Variants in AOPEP observed in about 807,000 individuals in gnomAD.
The protein encoded by AOPEP is aminopeptidase O.
Under a neutral mutation model 98.1 loss-of-function variants are expected in AOPEP, and 77 were observed. That is an observed-to-expected ratio of 0.78 (90% CI 0.65 to 0.95). AOPEP has a LOEUF of 0.95. Ranked by LOEUF, AOPEP falls within the 40% of genes least tolerant of loss-of-function variation. AOPEP has a pLI of 0.00. For missense variants in AOPEP, 1,024 were observed against 1,024.7 expected, an observed-to-expected ratio of 1.00 and a Z score of 0.01; for synonymous variants, 346 against 365.3, an observed-to-expected ratio of 0.95 and a Z score of 0.60.
chr9:95,111,895 C>T, the AOPEP span, among the ~76,000 whole-genome samples: 3 of 152,228 alleles, frequency 2.0e-5, no homozygotes, highest in East Asian at 3.9e-4. Flanking sequence ...AATCCAGGTA[C>T]GTTCAGTGAG....
chr9:94,895,177 T>C (rs1265399278), intron 5 of AOPEP, among the ~76,000 whole-genome samples: 1 of 148,908 alleles, frequency 6.7e-6, no homozygotes, highest in Admixed American at 6.7e-5. Flanking sequence ...AGTTTGAGAG[T>C]AGCCTGGGCA....
At chr9:94,818,918 C>G (rs1017671750) in intron 5 of AOPEP, among the ~76,000 whole-genome samples, 7 of 152,292 alleles carry the variant, frequency 4.6e-5, no homozygotes, top group African/African-American at 1.7e-4. Flanking sequence ...GGCATGAACC[C>G]AGGAGGCCGG....
At chr9:95,077,887 G>A (rs1325915488) in intron 14 of AOPEP, among the ~76,000 whole-genome samples, 1 of 152,196 alleles carries the variant, frequency 6.6e-6, no homozygotes, top group South Asian at 2.1e-4. Flanking sequence ...TCAAAGGAAC[G>A]AAGAAAAGTG....
chr9:95,078,281 TCTA>T (rs935346533), intron 14 of AOPEP, among the ~76,000 whole-genome samples: 1 of 152,208 alleles, frequency 6.6e-6, no homozygotes, highest in African/African-American at 2.4e-5. Context: ...AGGGCCTTGT[TCTA>T]CTAGGAAATA....
At chr9:94,759,616 A>T in intron 1 of AOPEP, 33 bp from the exon 2 acceptor site, 1 of 606,190 alleles carries the variant, frequency 1.6e-6, no homozygotes, top group Non-Finnish European at 2.8e-6. Flanking sequence ...CTTATTTGGA[A>T]TTTTATCTAA....
At position 95,035,507 on chromosome 9, in the gene AOPEP, A is replaced by ATT. The variant is rs542840000; in HGVS notation, c.2116-25160_2116-25159dup. On this transcript the variant is annotated intron_variant, in intron 13 of 16. Coordinates refer to ENST00000375315, the MANE Select transcript of AOPEP (RefSeq NM_001193329.3). ...ATCTCTTTGACACCAGCTTCAGATAATTTTTTTTTTTTTTTTTTTTTTTTT... is the reference window on the plus strand; with the variant it reads ...ATCTCTTTGACACCAGCTTCAGATAATTTTTTTTTTTTTTTTTTTTTTTTTTT... 7.8e-3 allele frequency among the ~76,000 whole-genome samples: 531 copies of ATT among 67,966 alleles called. 86 individuals carry two copies. Among genetic ancestry groups the ATT allele is most frequent in the African/African-American group, 0.029 (499 of 16,982 alleles). 44.6% of individuals were successfully genotyped at this position (67,966 alleles called of 152,430 possible). A position where few individuals can be genotyped will look rare whatever the true frequency, so the allele number is the denominator to read the frequency against.
At position 94,986,285 on chromosome 9, in the gene AOPEP, G is replaced by A. The variant is rs145723051; in HGVS notation, c.1977+6858G>A. Among the ~76,000 whole-genome samples, 435 of 152,228 alleles carry A rather than the reference G, an allele frequency of 2.9e-3. 1 individual carries two copies. The Middle Eastern group carries it at 0.031, about 11-fold the overall frequency. ...AGGACACCAGTTATATTGGGTTAGG[G>A]CCCACCAATATGACCTAATTTTACC... On this transcript the variant is annotated intron_variant, in intron 11 of 16. Transcript: ENST00000375315.
chr9:94,762,043 T>C (rs962961223), intron 2 of AOPEP, among the ~76,000 whole-genome samples: 2 of 152,246 alleles, frequency 1.3e-5, no homozygotes, highest in Non-Finnish European at 2.9e-5. Flanking sequence ...ATTTATGGCC[T>C]CAAACATGAC....
At chr9:94,766,123 C>A (rs1480456638) in intron 2 of AOPEP, among the ~76,000 whole-genome samples, 2 of 152,180 alleles carry the variant, frequency 1.3e-5, no homozygotes, top group Non-Finnish European at 2.9e-5. Flanking sequence ...AATTCTAGAT[C>A]TTTGGTATAC....
In AOPEP at chr9:94,930,602, T is replaced by C. The variant is rs541377276; in HGVS notation, c.1661+2071T>C. On this transcript the variant is annotated intron_variant, in intron 7 of 16. Coordinates refer to ENST00000375315, the MANE Select transcript of AOPEP (RefSeq NM_001193329.3). The surrounding 1 kb of genome is among the most constrained non-coding windows in gnomAD (Gnocchi z 4.5). ...CCAACAGAGGACTCTGGGGAAACCA[T>C]TATGTGTTTCCCCAGAGAAAACCAG... 8.6e-5 allele frequency among the ~76,000 whole-genome samples: 13 copies of C among 151,668 alleles called. No individual in the cohort carries two copies. Among genetic ancestry groups the C allele is most frequent in the Admixed American group, 8.5e-4 (13 of 15,240 alleles).
At chr9:94,931,697 C>T (rs16911846) in intron 7 of AOPEP, 30 of 1,511,584 alleles carry the variant, frequency 2.0e-5, no homozygotes, top group Non-Finnish European at 2.6e-5. Context: ...GTAAAAATCT[C>T]GCTTTATGTC....
chr9:94,942,642 T>A (rs1183665726), intron 7 of AOPEP, among the ~76,000 whole-genome samples: 1 of 152,154 alleles, frequency 6.6e-6, no homozygotes, highest in Non-Finnish European at 1.5e-5. Flanking sequence ...TGTCTCCATT[T>A]GTAGACATAA....
intron 13 of AOPEP, among the ~76,000 whole-genome samples, chr9:95,022,582 G>T (rs1023127895): frequency 6.6e-6 from 1 of 151,748 alleles, no homozygotes; most frequent in Admixed American, 6.6e-5. Context: ...CTCATGATCC[G>T]CCCGCCTTGG....
Position 94,875,357 on chromosome 9 carries a change from A to AAAAAAAAAAAAG in AOPEP, c.1365-48618_1365-48617insGAAAAAAAAAAA, listed in dbSNP as rs1185999933. 4.7e-3 allele frequency among the ~76,000 whole-genome samples: 691 copies of AAAAAAAAAAAAG among 147,452 alleles called. 9 individuals are homozygous for AAAAAAAAAAAAG. Among genetic ancestry groups the AAAAAAAAAAAAG allele is most frequent in the African/African-American group, 0.017 (649 of 38,710 alleles). On this transcript the variant is annotated intron_variant, in intron 5 of 16. Transcript: ENST00000375315. ...AGTTTAATTGAGCAAGAAAAAAAAA[A>AAAAAAAAAAAAG]AAAAAAAAAAAAAAAGACTCATGAA... is the stretch of plus-strand genomic sequence containing the variant.
chr9:94,955,263 A>G lies in AOPEP; in HGVS notation c.1748A>G (p.Gln583Arg), dbSNP rs747775588. 3 of 1,611,718 alleles carry G rather than the reference A, an allele frequency of 1.9e-6. No homozygotes were observed. The highest frequency in any genetic ancestry group is 2.2e-5 in the South Asian group (2 of 90,772). Residue 583 changes from glutamine to arginine, a missense_variant, in exon 8 of 17, where the codon CAG becomes CGG. Physicochemically the swap from Gln to Arg is conservative, Grantham distance 43. Coordinates refer to ENST00000375315, the MANE Select transcript of AOPEP (RefSeq NM_001193329.3). ...HGLNPEKIFM[Q>R]VHYLKGYFLL... ...CTTAATCCGGAGAAGATCTTCATGC[A>G]GGTGCATTATTTAAAGGTAAGCACA...
At chr9:94,763,043 G>C (rs1393671388) in intron 2 of AOPEP, 1 of 385,454 alleles carries the variant, frequency 2.6e-6, no homozygotes, top group Non-Finnish European at 5.3e-6. Context: ...CTACATATTT[G>C]TTCCTGAATT....
chr9:95,118,456 T>C, the AOPEP span, among the ~76,000 whole-genome samples: 495 of 152,244 alleles, frequency 3.3e-3, no homozygotes, highest in African/African-American at 0.011. Flanking sequence ...ACGCATGGAG[T>C]GCATGGGCTT....
At position 94,822,189 on chromosome 9, in the gene AOPEP, G is replaced by A. The variant is rs80005213; in HGVS notation, c.1364+21187G>A. ...ATGGCAGACGAGCTGCTGGTCATTT[G>A]TGTCACACACTCTAGCCCCTTTGCA... On this transcript the variant is annotated intron_variant, in intron 5 of 16. Coordinates refer to ENST00000375315, the MANE Select transcript of AOPEP (RefSeq NM_001193329.3). 3.5e-3 allele frequency among the ~76,000 whole-genome samples: 536 copies of A among 152,300 alleles called. 2 individuals carry two copies. The highest frequency in any genetic ancestry group is 0.012 in the African/African-American group (495 of 41,548).
At chr9:95,060,846 T>G (rs747815799) in intron 14 of AOPEP, 36 bp downstream of exon 14, 1 of 1,307,924 alleles carries the variant, frequency 7.6e-7, no homozygotes, top group Non-Finnish European at 1.1e-6. Context: ...AACCAGCAGG[T>G]CCCCACTGTT....
Sources: allele counts gnomAD v4.1 joint callset (sites outside exome capture counted in the v4.1 genomes callset), GRCh38; gene constraint gnomAD v4.1.1; non-coding constraint Gnocchi (gnomAD v3.1); transcripts MANE v1.5; gene names NCBI Gene and HGNC (gene_info 2026-07-23, HGNC 2026-07-21).